The following TPX2 variants were observed in gnomAD, a reference collection of about 807,000 sequenced individuals.
TPX2 encodes the protein TPX2 microtubule nucleation factor, also known as targeting protein for Xklp2.
A neutral mutation model predicts 93.6 loss-of-function variants in TPX2; 21 were observed. That is an observed-to-expected ratio of 0.22 (90% CI 0.16 to 0.32). The LOEUF (loss-of-function observed/expected upper bound fraction) is 0.32, where lower values mean the gene tolerates loss of function less well. Ranked by LOEUF, TPX2 falls within the 10% of genes least tolerant of loss-of-function variation. TPX2 has a pLI of 1.00. For synonymous variants in TPX2, 281 were observed against 298.3 expected (o/e 0.94, Z 0.60); for missense variants, 776 against 871.1 (o/e 0.89, Z 1.37).
chr20:31,797,863 T>C (rs2062147557), intron 16 of TPX2, among the ~76,000 whole-genome samples: 1 of 152,084 alleles, frequency 6.6e-6, no homozygotes, highest in African/African-American at 2.4e-5. Context: ...ACTTTAGATA[T>C]AAAACATTTG....
At chr20:31,757,155 C>G (rs1425051133) in intron 2 of TPX2, among the ~76,000 whole-genome samples, 1 of 151,660 alleles carries the variant, frequency 6.6e-6, no homozygotes, top group African/African-American at 2.4e-5. Flanking sequence ...CTCATGTGGT[C>G]CTCCCTCCTC....
intron 4 of TPX2, among the ~76,000 whole-genome samples, chr20:31,762,896 C>G (rs2061898807): frequency 6.6e-6 from 1 of 152,148 alleles, no homozygotes; most frequent in Non-Finnish European, 1.5e-5. Context: ...ACCACTTCAG[C>G]CTCCCAAAGC....
At position 31,757,491 on chromosome 20, in the gene TPX2, A is replaced by T. The variant is rs1266436637; in HGVS notation, c.15A>T (p.Lys5Asn). The T allele has an allele frequency of 2.0e-5, 33 of 1,613,904 alleles. No homozygotes were observed. The highest frequency in any genetic ancestry group is 2.8e-5 in the Non-Finnish European group (33 of 1,179,942). The change falls in exon 3 of 18, where the codon AAA (lysine) becomes AAT (asparagine). Residue 5 changes from lysine to asparagine, a missense_variant. Physicochemically the swap from Lys to Asn is moderately conservative, Grantham distance 94. This residue lies in a region of TPX2 where 36 missense variants were observed against 58.3 expected (regional missense o/e 0.62). Coordinates refer to ENST00000300403, the MANE Select transcript of TPX2 (RefSeq NM_012112.5). The stretch of plus-strand genomic sequence containing the variant: ...AGTGGGAGACAATGTCACAAGTTAA[A>T]AGCTCTTATTCCTATGATGCCCCCT... MSQV[K>N]SSYSYDAPSD...
intron 11 of TPX2, 87 bp from the exon 12 acceptor site, chr20:31,783,618 C>A: frequency 8.0e-7 from 1 of 1,249,620 alleles, no homozygotes; most frequent in South Asian, 1.3e-5. Context: ...TTAATGATTA[C>A]TATTCTTTGT....
At chr20:31,800,025 T>C (rs888965096) in intron 17 of TPX2, among the ~76,000 whole-genome samples, 1 of 151,876 alleles carries the variant, frequency 6.6e-6, no homozygotes, top group African/African-American at 2.4e-5. Context: ...GGTGGGAGGA[T>C]TGCGTGAGCC....
In TPX2 at chr20:31,798,514, C is replaced by G; in HGVS notation, c.2095C>G (p.Gln699Glu). ...GGAGGCCAGACTACAGGAGGAAGAG[C>G]AGAAAAAAGAGGAGCTGGCCAGGCT... is the stretch of plus-strand genomic sequence containing the variant. ...LEEARLQEEE[Q>E]KKEELARLRR... The change falls in exon 17 of 18, where the codon CAG becomes GAG. Residue 699 changes from glutamine to glutamate, a missense_variant. By Grantham distance (29) the Gln-to-Glu change is conservative (BLOSUM62 2). Around this residue, in one of 3 missense-constraint regions of TPX2, gnomAD observed 461 missense variants for 551.2 expected, o/e 0.84. Coordinates refer to ENST00000300403, the MANE Select transcript of TPX2 (RefSeq NM_012112.5). The G allele has an allele frequency of 1.2e-6, 2 of 1,611,054 alleles. No individual in the cohort carries two copies. Among genetic ancestry groups the G allele is most frequent in the Non-Finnish European group, 1.7e-6 (2 of 1,179,466 alleles).
rs1249613324 is a variant in TPX2, at chr20:31,793,991, G to T, written c.1653G>T (p.Lys551Asn). ...DSRDKERQLQ[K>N]EKKIKELQKG... is the part of the protein sequence containing the mutation. Reference sequence around the variant, plus strand: ...GAGACAAAGAACGTCAGTTACAGAAGGAGAAGAAAATAAAAGAACTGCAGA... The same window carrying T: ...GAGACAAAGAACGTCAGTTACAGAATGAGAAGAAAATAAAAGAACTGCAGA... The change falls in exon 14 of 18, where the codon AAG becomes AAT. Residue 551 changes from lysine to asparagine, a missense_variant. Lys to Asn is a moderately conservative substitution (Grantham distance 94). Around this residue, in one of 3 missense-constraint regions of TPX2, gnomAD observed 461 missense variants for 551.2 expected, o/e 0.84. Transcript: ENST00000300403. 1 of 1,612,718 alleles carries T rather than the reference G, an allele frequency of 6.2e-7. No individual in the cohort carries two copies. Among genetic ancestry groups the T allele is most frequent in the Non-Finnish European group, 8.5e-7 (1 of 1,179,600 alleles).
chr20:31,759,498 C>G (rs1450122293), intron 3 of TPX2, among the ~76,000 whole-genome samples: 2 of 142,358 alleles, frequency 1.4e-5, no homozygotes, highest in Non-Finnish European at 3.0e-5. Context: ...CTTCCAGGTT[C>G]AAGCGATTCC....
intron 17 of TPX2, among the ~76,000 whole-genome samples, chr20:31,798,912 A>G (rs2062153973): frequency 6.6e-6 from 1 of 152,244 alleles, no homozygotes; most frequent in Non-Finnish European, 1.5e-5. Flanking sequence ...TAAGGAGGAC[A>G]ACATGTGGTA....
At chr20:31,789,612 CAAAAAAAAACA>C (rs995139633) in intron 12 of TPX2, among the ~76,000 whole-genome samples, 5 of 140,594 alleles carry the variant, frequency 3.6e-5, no homozygotes, top group African/African-American at 1.5e-4. Context: ...ATAGCAAAAA[CAAAAAAAAACA>C]AAAAAAAACT....
intron 2 of TPX2, among the ~76,000 whole-genome samples, chr20:31,754,763 A>C (rs1271721982): frequency 6.6e-6 from 1 of 152,194 alleles, no homozygotes; most frequent in Non-Finnish European, 1.5e-5. Flanking sequence ...AAAAAGGCTG[A>C]AAATCAAGGA....
chr20:31,775,965 A>G lies in TPX2; in HGVS notation c.707A>G (p.Lys236Arg), dbSNP rs777931788. The G allele has an allele frequency of 1.9e-6, 3 of 1,587,672 alleles. No homozygotes were observed. Among genetic ancestry groups the G allele is most frequent in the Non-Finnish European group, 2.6e-6 (3 of 1,164,612 alleles). The stretch of plus-strand genomic sequence containing the variant: ...ATGCGGAAAAAGAATGAAGAATTCA[A>G]GAAACTTGCTCTGGCTGGAATAGGT... The part of the protein sequence containing the change: ...VEMRKKNEEF[K>R]KLALAGIGQP... Residue 236 changes from lysine (K) to arginine (R), a missense_variant, in exon 8 of 18, where the codon AAG (lysine) becomes AGG (arginine). By Grantham distance (26) the Lys-to-Arg change is conservative. Transcript: ENST00000300403.
chr20:31,780,932 T>G (rs1226478902), intron 10 of TPX2: 1 of 409,974 alleles, frequency 2.4e-6, no homozygotes, highest in Admixed American at 3.0e-5. Context: ...CTTGTTTTGC[T>G]TTTTAGAGAC....
At chr20:31,755,502 G>A (rs1034887626) in intron 2 of TPX2, among the ~76,000 whole-genome samples, 4 of 151,882 alleles carry the variant, frequency 2.6e-5, no homozygotes, top group African/African-American at 7.3e-5. Context: ...ATGGCTGGCC[G>A]GGCGCGGTGG....
intron 12 of TPX2, among the ~76,000 whole-genome samples, chr20:31,787,340 T>C (rs200089420): frequency 1.3e-5 from 2 of 151,510 alleles, no homozygotes; most frequent in East Asian, 3.9e-4. Flanking sequence ...CACTGGCTGT[T>C]TGCAGGTTTC....
chr20:31,752,898 G>A lies in TPX2; in HGVS notation c.-70-4509G>A, dbSNP rs1323907804. On this transcript the variant is annotated intron_variant, in intron 2 of 17. Coordinates refer to ENST00000300403, the MANE Select transcript of TPX2 (RefSeq NM_012112.5). Reference sequence around the variant, plus strand: ...CAAAGTGCTGAGGTTACAGGTGCGAGCCACTGAGCCTGGCCGCTTAGATCT... The same window carrying A: ...CAAAGTGCTGAGGTTACAGGTGCGAACCACTGAGCCTGGCCGCTTAGATCT... Among the ~76,000 whole-genome samples, 4 of 152,308 alleles carry A rather than the reference G, an allele frequency of 2.6e-5. No homozygotes were observed. The East Asian group carries it at 7.7e-4, about 29-fold the overall frequency.
At chr20:31,740,949 C>T (rs1213199194) in intron 1 of TPX2, among the ~76,000 whole-genome samples, 2 of 152,168 alleles carry the variant, frequency 1.3e-5, no homozygotes, top group African/African-American at 4.8e-5. Context: ...GGATTGTATT[C>T]AACTAGGTTG....
chr20:31,794,755 A>AGTGT (rs35018680), intron 15 of TPX2, among the ~76,000 whole-genome samples: 14,520 of 145,370 alleles, frequency 0.1, 686 homozygotes, highest in African/African-American at 0.12. Flanking sequence ...TCTGTCGCAT[A>AGTGT]GTGTGTGTGT....
intron 2 of TPX2, among the ~76,000 whole-genome samples, chr20:31,743,200 G>A (rs1438408444): frequency 6.6e-6 from 1 of 152,098 alleles, no homozygotes; most frequent in African/African-American, 2.4e-5. Flanking sequence ...GCAAGACTCT[G>A]TCTCAAAACA....
Sources: allele counts gnomAD v4.1 joint callset (sites outside exome capture counted in the v4.1 genomes callset), GRCh38; gene constraint gnomAD v4.1.1; regional missense constraint gnomAD v4.1.1; transcripts MANE v1.5; gene names NCBI Gene and HGNC (gene_info 2026-07-23, HGNC 2026-07-21).